The following CSMD3 variants were observed in gnomAD, a reference collection of about 807,000 sequenced individuals.
CSMD3 encodes the protein CUB and Sushi multiple domains 3, also known as CUB and sushi domain-containing protein 3.
A neutral mutation model predicts 435.2 loss-of-function variants in CSMD3; 177 were observed. The observed-to-expected ratio is 0.41, with a 90% CI of 0.36 to 0.46. CSMD3 has a LOEUF of 0.46. Among genes scored for constraint, CSMD3 ranks in the 20% least tolerant of loss-of-function variants. The pLI is 0.34. For synonymous variants in CSMD3, 1,656 were observed against 1,520.5 expected (o/e 1.09, Z -2.07); for missense variants, 4,265 against 4,504.6 (o/e 0.95, Z 1.52).
chr8:112,885,240 A>T (rs1158909257), intron 10 of CSMD3, among the ~76,000 whole-genome samples: 2 of 151,476 alleles, frequency 1.3e-5, no homozygotes, highest in Non-Finnish European at 2.9e-5. Flanking sequence ...AAACTGGGAG[A>T]TCTGAGATGC....
chr8:113,312,368 G>A lies in CSMD3; in HGVS notation c.401+2203C>T, dbSNP rs200322335. 5 of 152,216 alleles carry A rather than the reference G, an allele frequency of 3.3e-5. No homozygotes were observed. The East Asian group carries it at 9.6e-4, about 29-fold the overall frequency. 9.4% of individuals were successfully genotyped at this position (152,216 alleles called of 1,614,324 possible). On this transcript the variant is annotated intron_variant, in intron 2 of 70. Coordinates refer to ENST00000297405, the MANE Select transcript of CSMD3 (RefSeq NM_198123.2). Reference sequence around the variant, plus strand: ...GGTGCAGAGGAATCATTCAATAAATGTTAAGGGTTAGAGTCACTGAGCTTT... The same window carrying A: ...GGTGCAGAGGAATCATTCAATAAATATTAAGGGTTAGAGTCACTGAGCTTT...
intron 61 of CSMD3, among the ~76,000 whole-genome samples, chr8:112,257,943 A>G (rs901955943): frequency 1.3e-5 from 2 of 152,166 alleles, no homozygotes; most frequent in African/African-American, 4.8e-5. Context: ...ATATAGACCA[A>G]TGGAACAGAA....
chr8:112,594,962 C>G (rs567086098), intron 22 of CSMD3, among the ~76,000 whole-genome samples: 4,019 of 152,146 alleles, frequency 0.026, 78 homozygotes, highest in Non-Finnish European at 0.042. Context: ...GAGCGCCTCT[C>G]CTCCTCCAAA....
intron 10 of CSMD3, among the ~76,000 whole-genome samples, chr8:112,864,818 A>G (rs868084508): frequency 3.3e-5 from 5 of 152,220 alleles, no homozygotes; most frequent in South Asian, 2.1e-4. Flanking sequence ...ATAATGAACT[A>G]ATAGGTTAGC....
intron 27 of CSMD3, among the ~76,000 whole-genome samples, chr8:112,548,603 ATATGGCTTTTGTGAGAATTAAATGAGAT>A (rs1446352633): frequency 2.0e-5 from 3 of 152,164 alleles, no homozygotes; most frequent in East Asian, 1.9e-4. Flanking sequence ...ACCATATCTT[ATATGGCTTTTGTGAGAATTAAATGAGAT>A]TATGTATATA....
At chr8:112,534,102 C>T (rs1191211852) in intron 27 of CSMD3, among the ~76,000 whole-genome samples, 2 of 152,086 alleles carry the variant, frequency 1.3e-5, no homozygotes, top group East Asian at 3.9e-4. Context: ...CCTAACATCA[C>T]AATTAAAAGA....
chr8:112,980,351 G>A (rs182187239), intron 6 of CSMD3, among the ~76,000 whole-genome samples: 153 of 151,144 alleles, frequency 1.0e-3, no homozygotes, highest in Non-Finnish European at 1.5e-3. Flanking sequence ...AGCACATTAT[G>A]TTACATAAAT....
At chr8:112,777,494 C>T (rs1447433597) in intron 13 of CSMD3, among the ~76,000 whole-genome samples, 1 of 151,638 alleles carries the variant, frequency 6.6e-6, no homozygotes, top group Non-Finnish European at 1.5e-5. Context: ...TATGTTCAAA[C>T]ACGATTATTT....
At chr8:112,815,414 T>G (rs2079345868) in intron 12 of CSMD3, among the ~76,000 whole-genome samples, 1 of 152,210 alleles carries the variant, frequency 6.6e-6, no homozygotes, top group African/African-American at 2.4e-5. Flanking sequence ...GAAAACTGAA[T>G]TTGAAGGCCA....
At chr8:112,591,376 C>G (rs1028073058) in intron 22 of CSMD3, among the ~76,000 whole-genome samples, 3 of 151,874 alleles carry the variant, frequency 2.0e-5, no homozygotes, top group African/African-American at 7.3e-5. Context: ...GCAGGGATAC[C>G]CAAAAACAGA....
intron 3 of CSMD3, among the ~76,000 whole-genome samples, chr8:113,180,612 C>A (rs1193857705): frequency 6.6e-6 from 1 of 151,968 alleles, no homozygotes; most frequent in African/African-American, 2.4e-5. Flanking sequence ...TGCATTACCT[C>A]CTTGAGTAGA....
chr8:112,633,020 T>C (rs1253378217), intron 22 of CSMD3, among the ~76,000 whole-genome samples: 2 of 152,040 alleles, frequency 1.3e-5, no homozygotes, highest in Non-Finnish European at 1.5e-5. Context: ...GATACATAAA[T>C]ATCTATTTCA....
chr8:113,339,051 T>A (rs2094098668), intron 1 of CSMD3, among the ~76,000 whole-genome samples: 1 of 151,988 alleles, frequency 6.6e-6, no homozygotes, highest in Non-Finnish European at 1.5e-5. Flanking sequence ...AACTTAGCAC[T>A]TCCTTTGTGC....
chr8:113,199,977 A>G (rs149497845), intron 3 of CSMD3, among the ~76,000 whole-genome samples: 6 of 151,916 alleles, frequency 3.9e-5, no homozygotes, highest in Admixed American at 3.3e-4. Flanking sequence ...AACTCTCACA[A>G]TTATCTCCAG....
At chr8:112,746,075 T>C (rs2077419107) in intron 13 of CSMD3, among the ~76,000 whole-genome samples, 1 of 152,120 alleles carries the variant, frequency 6.6e-6, no homozygotes, top group African/African-American at 2.4e-5. Flanking sequence ...AAACTGTATT[T>C]ATCAGATTCC....
At chr8:113,016,020 T>A (rs1337122826) in intron 6 of CSMD3, among the ~76,000 whole-genome samples, 5 of 151,708 alleles carry the variant, frequency 3.3e-5, no homozygotes, top group African/African-American at 1.2e-4. Context: ...CAAAGACAAA[T>A]ATAATGACAT....
intron 10 of CSMD3, among the ~76,000 whole-genome samples, chr8:112,879,865 A>C (rs2081398732): frequency 6.6e-6 from 1 of 152,020 alleles, no homozygotes; most frequent in Non-Finnish European, 1.5e-5. Flanking sequence ...GTGAGAGTTG[A>C]ACAATGAGAA....
At chr8:112,827,197 AT>A (rs1434213094) in intron 12 of CSMD3, among the ~76,000 whole-genome samples, 2 of 108,810 alleles carry the variant, frequency 1.8e-5, no homozygotes, top group African/African-American at 6.5e-5. Context: ...ATATATATAT[AT>A]ATATATATAA....
At chr8:112,846,226 AATTCTTTTTTAACATGTTAAAAAAGAAAT>A (rs1028762231) in intron 11 of CSMD3, among the ~76,000 whole-genome samples, 1 of 151,694 alleles carries the variant, frequency 6.6e-6, no homozygotes, top group African/African-American at 2.4e-5. Flanking sequence ...TAAAAAAGAT[AATTCTTTTTTAACATGTTAAAAAAGAAAT>A]ATTCTTTTTT....
Sources: gnomAD v4.1 joint callset for allele counts (sites outside exome capture counted in the v4.1 genomes callset) on GRCh38, gnomAD v4.1.1 for gene constraint, MANE v1.5 for transcripts, NCBI Gene and HGNC (gene_info 2026-07-23, HGNC 2026-07-21) for gene names.